Variants in ROBO2 observed in about 807,000 individuals in gnomAD.
The protein encoded by ROBO2 is roundabout guidance receptor 2.
Under a neutral mutation model 160.8 loss-of-function variants are expected in ROBO2, and 53 were observed. The observed-to-expected ratio is 0.33, with a 90% CI of 0.26 to 0.41. The LOEUF (loss-of-function observed/expected upper bound fraction) is 0.41. Among genes scored for constraint, ROBO2 ranks in the 10% least tolerant of loss-of-function variants. ROBO2 has a pLI of 1.00. For missense variants in ROBO2, 1,577 were observed against 1,722.4 expected (o/e 0.92, Z 1.49); for synonymous variants, 664 against 611.7 (o/e 1.09, Z -1.26).
At chr3:76,457,128 C>G (rs954113737) in intron 2 of ROBO2, among the ~76,000 whole-genome samples, 6 of 152,174 alleles carry the variant, frequency 3.9e-5, no homozygotes, top group Middle Eastern at 3.2e-3. Context: ...AGTAGTCCCC[C>G]AAAGTCTTAA....
intron 2 of ROBO2, among the ~76,000 whole-genome samples, chr3:77,473,284 GA>G (rs1421200133): frequency 6.6e-6 from 1 of 151,564 alleles, no homozygotes; most frequent in Non-Finnish European, 1.5e-5. Context: ...TGTGGCGGAA[GA>G]AAAAAATAAT....
intron 2 of ROBO2, among the ~76,000 whole-genome samples, chr3:76,574,242 T>C (rs1384190249): frequency 6.6e-6 from 1 of 151,974 alleles, no homozygotes; most frequent in East Asian, 1.9e-4. Context: ...TATAACAAAA[T>C]CAGGTAAATA....
At chr3:76,702,537 C>A (rs1054196855) in intron 2 of ROBO2, among the ~76,000 whole-genome samples, 3 of 110,568 alleles carry the variant, frequency 2.7e-5, no homozygotes, top group African/African-American at 4.3e-5. Flanking sequence ...GACAGAGAGA[C>A]AGAGAGAAAT....
At chr3:76,098,419 T>G (rs1193263128) in intron 2 of ROBO2, among the ~76,000 whole-genome samples, 1 of 152,112 alleles carries the variant, frequency 6.6e-6, no homozygotes, top group Admixed American at 6.6e-5. Context: ...CAACATGCAA[T>G]TTTTGTGTTT....
intron 2 of ROBO2, among the ~76,000 whole-genome samples, chr3:76,443,390 C>A (rs1287760032): frequency 2.0e-5 from 3 of 152,072 alleles, no homozygotes; most frequent in Admixed American, 2.0e-4. Flanking sequence ...TCCATGGTCT[C>A]CCGCATCCAC....
chr3:75,937,571 T>A, exon 2 of ROBO2: 1 of 1,566,786 alleles, frequency 6.4e-7, no homozygotes, highest in South Asian at 1.2e-5. Flanking sequence ...CTGTGGTGTT[T>A]TGGGGTCATC....
At chr3:77,181,500 G>C (rs1205896987) in intron 2 of ROBO2, among the ~76,000 whole-genome samples, 1 of 151,990 alleles carries the variant, frequency 6.6e-6, no homozygotes, top group African/African-American at 2.4e-5. Flanking sequence ...ATAATTTTAA[G>C]CATGGAAAAT....
intron 2 of ROBO2, among the ~76,000 whole-genome samples, chr3:76,580,267 C>A (rs549685346): frequency 4.5e-5 from 6 of 134,198 alleles, no homozygotes; most frequent in Admixed American, 7.4e-5. Flanking sequence ...TTTGCTAGAG[C>A]CTGGTTGCTC....
intron 2 of ROBO2, among the ~76,000 whole-genome samples, chr3:77,450,238 A>G (rs1270928270): frequency 2.6e-5 from 4 of 152,110 alleles, no homozygotes; most frequent in Non-Finnish European, 5.9e-5. Context: ...TTTTACTTTG[A>G]TGTTAAATGA....
In ROBO2 at chr3:76,750,045, G is replaced by A. The variant is rs185294984; in HGVS notation, c.110-347969G>A. Reference sequence around the variant, plus strand: ...CTGATGAACATTGATGCAAAAATCCGCAATAAAATACTGGCAAACTGTATC... The same window carrying A: ...CTGATGAACATTGATGCAAAAATCCACAATAAAATACTGGCAAACTGTATC... On this transcript the variant is annotated intron_variant, in intron 2 of 26. Coordinates refer to the ROBO2 transcript ENST00000487694. Among the ~76,000 whole-genome samples, 1,166 of 152,058 alleles carry A rather than the reference G, an allele frequency of 7.7e-3. 13 individuals are homozygous for A. The highest frequency in any genetic ancestry group is 0.026 in the African/African-American group (1,098 of 41,492).
chr3:76,379,302 C>T (rs1478248716), intron 2 of ROBO2, among the ~76,000 whole-genome samples: 1 of 150,372 alleles, frequency 6.7e-6, no homozygotes, highest in Non-Finnish European at 1.5e-5. Context: ...TGTATTTAAA[C>T]AAGAAGTTTA....
At chr3:77,606,073 C>G (rs942073942) in intron 20 of ROBO2, among the ~76,000 whole-genome samples, 3 of 152,126 alleles carry the variant, frequency 2.0e-5, no homozygotes, top group African/African-American at 7.2e-5. Flanking sequence ...TAAAGACAAA[C>G]ATTACAGATG....
chr3:76,148,159 T>C (rs1025688521), intron 2 of ROBO2, among the ~76,000 whole-genome samples: 9 of 152,014 alleles, frequency 5.9e-5, no homozygotes, highest in African/African-American at 2.2e-4. Flanking sequence ...TTCACTCACA[T>C]TTCATAACCT....
intron 2 of ROBO2, among the ~76,000 whole-genome samples, chr3:76,290,984 G>T (rs992029463): frequency 6.6e-6 from 1 of 152,020 alleles, no homozygotes. Flanking sequence ...CAATATTAGG[G>T]ATATTAGCCT....
In ROBO2 at chr3:76,446,286, C is replaced by T. The variant is rs533121288; in HGVS notation, c.109+508684C>T. On this transcript the variant is annotated intron_variant, in intron 2 of 26. Coordinates refer to the ROBO2 transcript ENST00000487694. ...GCCAAATCATGGGTGAACTCTCATTCACAATTGCTTCAAAGAGAATAAAAT... is the reference window on the plus strand; with the variant it reads ...GCCAAATCATGGGTGAACTCTCATTTACAATTGCTTCAAAGAGAATAAAAT... 2.6e-4 allele frequency among the ~76,000 whole-genome samples: 39 copies of T among 152,274 alleles called. No individual in the cohort carries two copies. The South Asian group carries it at 8.1e-3, about 32-fold the overall frequency.
At chr3:76,310,241 G>A (rs796937484) in intron 2 of ROBO2, among the ~76,000 whole-genome samples, 12 of 152,148 alleles carry the variant, frequency 7.9e-5, no homozygotes, top group African/African-American at 2.4e-4. Context: ...AAACATAGTC[G>A]CAAAAGACAG....
chr3:77,202,318 C>G (rs970480710), intron 2 of ROBO2, among the ~76,000 whole-genome samples: 1 of 152,108 alleles, frequency 6.6e-6, no homozygotes, highest in Non-Finnish European at 1.5e-5. Flanking sequence ...CCTCATGATA[C>G]TTTATTCTAA....
intron 2 of ROBO2, among the ~76,000 whole-genome samples, chr3:76,379,929 T>C (rs1360104231): frequency 6.6e-6 from 1 of 152,298 alleles, no homozygotes; most frequent in East Asian, 1.9e-4. Flanking sequence ...GTCTCATGTG[T>C]TTATTTTATT....
intron 2 of ROBO2, among the ~76,000 whole-genome samples, chr3:77,178,921 G>A (rs1290267251): frequency 6.6e-6 from 1 of 151,954 alleles, no homozygotes; most frequent in Non-Finnish European, 1.5e-5. Flanking sequence ...TCTTACTCGA[G>A]GCAGTTGAAT....
Sources: allele counts gnomAD v4.1 joint callset (sites outside exome capture counted in the v4.1 genomes callset), GRCh38; gene constraint gnomAD v4.1.1; transcripts MANE v1.5; gene names NCBI Gene and HGNC (gene_info 2026-07-23, HGNC 2026-07-21).